SLC25A21: variants seen among roughly 807,000 people sequenced by gnomAD.
The protein encoded by SLC25A21 is mitochondrial 2-oxodicarboxylate carrier.
SLC25A21 carries 47 observed loss-of-function variants against 43.8 expected under a neutral mutation model. The observed-to-expected ratio is 1.07, with a 90% confidence interval of 0.85 to 1.37. The LOEUF (loss-of-function observed/expected upper bound fraction) is 1.37. SLC25A21 is among the 40% of genes most tolerant of loss of function. SLC25A21 has a pLI of 0.00. For missense variants in SLC25A21, 352 were observed against 350.2 expected (o/e 1.00, Z -0.04); for synonymous variants, 131 against 121.3 (o/e 1.08, Z -0.52).
chr14:36,960,802 G>C (rs1209639442), intron 1 of SLC25A21, among the ~76,000 whole-genome samples: 1 of 152,126 alleles, frequency 6.6e-6, no homozygotes. Context: ...AAGTCCAAGG[G>C]AACACCTATC....
intron 1 of SLC25A21, among the ~76,000 whole-genome samples, chr14:37,053,118 TATA>T (rs1961746374): frequency 6.6e-6 from 1 of 152,200 alleles, no homozygotes; most frequent in Non-Finnish European, 1.5e-5. Context: ...CCAAGTGACT[TATA>T]ATGAACATAA....
At chr14:37,059,570 A>C (rs1248211979) in intron 1 of SLC25A21, among the ~76,000 whole-genome samples, 1 of 152,218 alleles carries the variant, frequency 6.6e-6, no homozygotes, top group Non-Finnish European at 1.5e-5. Context: ...ATACAGTGTT[A>C]ATTCCATTTG....
chr14:36,875,453 G>C (rs1890493249), intron 1 of SLC25A21, among the ~76,000 whole-genome samples: 1 of 152,142 alleles, frequency 6.6e-6, no homozygotes, highest in Non-Finnish European at 1.5e-5. Flanking sequence ...CAGTATCCAT[G>C]AAACAAAGAA....
At chr14:37,013,548 C>G (rs534533324) in intron 1 of SLC25A21, among the ~76,000 whole-genome samples, 11 of 152,258 alleles carry the variant, frequency 7.2e-5, no homozygotes, top group African/African-American at 2.4e-4. Flanking sequence ...ATAAGTAACA[C>G]AAATAGACAA....
intron 6 of SLC25A21, among the ~76,000 whole-genome samples, chr14:36,716,274 AGATGCAGGTG>A (rs1268125102): frequency 1.3e-5 from 2 of 152,102 alleles, no homozygotes; most frequent in Non-Finnish European, 2.9e-5. Flanking sequence ...AGAGGTGGGG[AGATGCAGGTG>A]GAAGGGTGCA....
At chr14:36,852,075 A>T (rs1388275532) in intron 2 of SLC25A21, among the ~76,000 whole-genome samples, 2 of 152,162 alleles carry the variant, frequency 1.3e-5, no homozygotes, top group Non-Finnish European at 2.9e-5. Flanking sequence ...TTATTTTTGC[A>T]GTTGTAGTCT....
intron 1 of SLC25A21, among the ~76,000 whole-genome samples, chr14:36,885,527 T>C (rs1318026260): frequency 1.3e-5 from 2 of 152,206 alleles, no homozygotes; most frequent in Non-Finnish European, 2.9e-5. Context: ...AGAGAGTACA[T>C]TGAATCTGTA....
At chr14:36,796,962 T>C (rs1403276404) in intron 3 of SLC25A21, among the ~76,000 whole-genome samples, 1 of 152,180 alleles carries the variant, frequency 6.6e-6, no homozygotes, top group Non-Finnish European at 1.5e-5. Context: ...AGCTGCTTAC[T>C]TTTTTCCTTC....
intron 1 of SLC25A21, among the ~76,000 whole-genome samples, chr14:37,106,865 CT>C (rs1353639841): frequency 6.6e-6 from 1 of 152,150 alleles, no homozygotes; most frequent in Non-Finnish European, 1.5e-5. Context: ...TAATCTTTCT[CT>C]TTATTTCTCA....
At chr14:37,034,518 C>T (rs2138773520) in intron 1 of SLC25A21, among the ~76,000 whole-genome samples, 1 of 152,240 alleles carries the variant, frequency 6.6e-6, no homozygotes, top group African/African-American at 2.4e-5. Context: ...CACTCCCACT[C>T]CAAAGGATCA....
chr14:37,170,699 G>A (rs1298717164), intron 1 of SLC25A21, among the ~76,000 whole-genome samples: 3 of 151,872 alleles, frequency 2.0e-5, no homozygotes, highest in East Asian at 2.0e-4. Flanking sequence ...GGTCAAGGGG[G>A]TCAGATTGCT....
Position 36,862,440 on chromosome 14 carries a change from T to C in SLC25A21, c.119+12516A>G, listed in dbSNP as rs908678440. ...AATACTATGCAGCCATAAAAAAGAA[T>C]GAGTTCATGTCCTTTGCAGGGACAT... On this transcript the variant is annotated intron_variant, in intron 2 of 9. Transcript: ENST00000331299. Among the ~76,000 whole-genome samples the C allele has an allele frequency of 2.0e-5, 3 of 152,282 alleles. No individual in the cohort carries two copies. The East Asian group carries it at 5.8e-4, about 29-fold the overall frequency.
chr14:37,092,373 G>T (rs1364563171), intron 1 of SLC25A21, among the ~76,000 whole-genome samples: 1 of 152,154 alleles, frequency 6.6e-6, no homozygotes, highest in Non-Finnish European at 1.5e-5. Flanking sequence ...CCCTATTGAA[G>T]CACTTGGATT....
intron 1 of SLC25A21, among the ~76,000 whole-genome samples, chr14:37,082,277 T>C (rs1286176708): frequency 1.3e-5 from 2 of 152,184 alleles, no homozygotes; most frequent in Admixed American, 1.3e-4. Context: ...CATAAGGTAC[T>C]GTGTTCAGTA....
chr14:37,106,926 G>C (rs1962924948), intron 1 of SLC25A21, among the ~76,000 whole-genome samples: 1 of 152,112 alleles, frequency 6.6e-6, no homozygotes, highest in Admixed American at 6.6e-5. Context: ...GAAATATTGG[G>C]GGCGGGTTCC....
chr14:37,040,356 A>AAGGAAGGAAG (rs1566835157), intron 1 of SLC25A21, among the ~76,000 whole-genome samples: 1 of 36,862 alleles, frequency 2.7e-5, no homozygotes, highest in African/African-American at 4.1e-4. Context: ...AAGGAAGGAA[A>AAGGAAGGAAG]GAAAGAGAGA....
chr14:36,843,267 C>T (rs1288569125), intron 2 of SLC25A21, among the ~76,000 whole-genome samples: 1 of 152,050 alleles, frequency 6.6e-6, no homozygotes, highest in African/African-American at 2.4e-5. Context: ...AACTGGATTG[C>T]CAGAAGATAT....
chr14:36,898,622 C>T (rs1243528944), intron 1 of SLC25A21, among the ~76,000 whole-genome samples: 2 of 152,172 alleles, frequency 1.3e-5, no homozygotes, highest in African/African-American at 2.4e-5. Flanking sequence ...TCTTCTGCGT[C>T]GCTCATGCTG....
At chr14:37,114,334 A>C (rs908796099) in intron 1 of SLC25A21, among the ~76,000 whole-genome samples, 5 of 152,236 alleles carry the variant, frequency 3.3e-5, no homozygotes, top group African/African-American at 1.2e-4. Context: ...AAAGCAATGC[A>C]ACTAGGACCA....
Sources: gnomAD v4.1 joint callset for allele counts (sites outside exome capture counted in the v4.1 genomes callset) on GRCh38, gnomAD v4.1.1 for gene constraint, MANE v1.5 for transcripts, NCBI Gene and HGNC (gene_info 2026-07-23, HGNC 2026-07-21) for gene names.